TMC5: variants seen among roughly 807,000 people sequenced by gnomAD.
TMC5 encodes the protein transmembrane channel like 5, also known as transmembrane channel-like protein 5.
A neutral mutation model predicts 110.5 loss-of-function variants in TMC5; 86 were observed. That is an observed-to-expected ratio of 0.78 (90% CI 0.65 to 0.93). The LOEUF (loss-of-function observed/expected upper bound fraction) is 0.93. Ranked by LOEUF, TMC5 falls within the 40% of genes least tolerant of loss-of-function variation. The pLI is 0.00. For missense variants in TMC5, 1,144 were observed against 1,222.8 expected (o/e 0.94, Z 0.96); for synonymous variants, 455 against 439.5 (o/e 1.04, Z -0.44).
intron 2 of TMC5, among the ~76,000 whole-genome samples, chr16:19,438,997 G>A (rs1967420154): frequency 6.6e-6 from 1 of 152,196 alleles, no homozygotes. Context: ...AGGTTCAGGA[G>A]CAATGGATTG....
At chr16:19,434,468 ATAGATAG>A (rs1967295191) in intron 2 of TMC5, among the ~76,000 whole-genome samples, 1 of 58,068 alleles carries the variant, frequency 1.7e-5, no homozygotes, top group African/African-American at 1.1e-4. Flanking sequence ...ATATCTATAG[ATAGATAG>A]ATAGATAGAT....
intron 2 of TMC5, 103 bp from the exon 3 acceptor site, chr16:19,439,857 T>TA (rs1370603610): frequency 1.7e-6 from 1 of 595,186 alleles, no homozygotes; most frequent in African/African-American, 1.9e-5. Flanking sequence ...GTTGTGTACC[T>TA]GACTACGAAC....
chr16:19,412,746 T>C (rs1188417509), intron 1 of TMC5, among the ~76,000 whole-genome samples: 1 of 152,220 alleles, frequency 6.6e-6, no homozygotes, highest in Non-Finnish European at 1.5e-5. Flanking sequence ...CAATCAACAT[T>C]AGCTACAGTA....
Position 19,460,347 on chromosome 16 carries a change from G to A in TMC5, c.1148+13G>A, listed in dbSNP as rs902989431. 1.6e-5 allele frequency: 25 copies of A among 1,563,762 alleles called. No homozygotes were observed. Among genetic ancestry groups the A allele is most frequent in the Non-Finnish European group, 2.1e-5 (24 of 1,143,730 alleles). On this transcript the variant is annotated intron_variant, in intron 6 of 21. Coordinates refer to ENST00000542583, the MANE Select transcript of TMC5 (RefSeq NM_001261841.2). The stretch of plus-strand genomic sequence containing the variant: ...AAAGGAACCTTAGGTATGGACTAAA[G>A]GCTTTTCTTCTTTCTCAGATTTCAT...
At position 19,486,888 on chromosome 16, in the gene TMC5, C is replaced by A. The variant is rs908981158; in HGVS notation, c.2364-57C>A. ...CTCTTCCCCCCAACCATCCCAGATT[C>A]ACCCCGACTCCTTGTGTCTCCGCCA... On this transcript the variant is annotated intron_variant, in intron 15 of 21. Coordinates refer to ENST00000542583, the MANE Select transcript of TMC5 (RefSeq NM_001261841.2). The A allele has an allele frequency of 8.8e-6, 13 of 1,485,414 alleles. No homozygotes were observed. In the Admixed American group the frequency reaches 1.9e-4, roughly 21 times the overall value. The allele number at this position is 1,485,414 out of a possible 1,614,324, so 92.0% of individuals were successfully genotyped here.
At chr16:19,481,275 G>A in intron 14 of TMC5, 95 bp from the exon 15 acceptor site, 1 of 879,314 alleles carries the variant, frequency 1.1e-6, no homozygotes, top group Non-Finnish European at 1.9e-6. Context: ...ATTTCAAGCT[G>A]GGGAGGGTCT....
intron 14 of TMC5, among the ~76,000 whole-genome samples, chr16:19,480,266 T>C (rs747116306): frequency 8.5e-5 from 13 of 152,218 alleles, no homozygotes; most frequent in Non-Finnish European, 1.8e-4. Flanking sequence ...TATCTATCTA[T>C]ACAGAATTGA....
In TMC5 at chr16:19,491,681, A is replaced by G. The variant is rs575129555; in HGVS notation, c.2748-469A>G. On this transcript the variant is annotated intron_variant, in intron 18 of 21. Transcript: ENST00000542583. ...CTCCCGAGTAGTTGGGACTACAGGC[A>G]CCCACCACCACGCCCAGCTAATTTT... 4.9e-4 allele frequency among the ~76,000 whole-genome samples: 74 copies of G among 151,694 alleles called. 1 individual carries two copies. The South Asian group carries it at 0.01, about 21-fold the overall frequency.
chr16:19,427,853 A>G (rs1421010553), intron 1 of TMC5, among the ~76,000 whole-genome samples: 1 of 108,142 alleles, frequency 9.2e-6, no homozygotes, highest in African/African-American at 2.5e-5. Context: ...AGTTTCTGCC[A>G]CTCTCTTTCT....
chr16:19,469,578 G>A lies in TMC5; in HGVS notation c.1638-103G>A, dbSNP rs539265405. 54 of 1,423,568 alleles carry A rather than the reference G, an allele frequency of 3.8e-5. No individual in the cohort carries two copies. The African/African-American group carries it at 5.2e-4, about 14-fold the overall frequency. 88.2% of individuals were successfully genotyped at this position (1,423,568 alleles called of 1,614,324 possible). A position where few individuals can be genotyped will look rare whatever the true frequency, so the allele number is the denominator to read the frequency against. The stretch of plus-strand genomic sequence containing the variant: ...CAACAGCTTGGGGCTAAGTCTTCAC[G>A]TTGCCTTTCACCATTAATAATAGGG... On this transcript the variant is annotated intron_variant, in intron 9 of 21. Transcript: ENST00000542583.
At chr16:19,449,032 TG>T (rs59002859) in intron 4 of TMC5, among the ~76,000 whole-genome samples, 5,358 of 151,584 alleles carry the variant, frequency 0.035, 120 homozygotes, top group African/African-American at 0.055. Context: ...CTAATTTTTT[TG>T]TATTTTTTTA....
At chr16:19,482,224 A>C (rs1968636220) in intron 15 of TMC5, among the ~76,000 whole-genome samples, 1 of 151,880 alleles carries the variant, frequency 6.6e-6, no homozygotes, top group South Asian at 2.1e-4. Flanking sequence ...TGCCCAGCCA[A>C]TTTTTGTATT....
chr16:19,460,351 T>G lies in TMC5; in HGVS notation c.1148+17T>G. 6.5e-7 allele frequency: 1 copy of G among 1,543,028 alleles called. No homozygotes were observed. Among genetic ancestry groups the G allele is most frequent in the Non-Finnish European group, 8.9e-7 (1 of 1,125,778 alleles). ...GAACCTTAGGTATGGACTAAAGGCT[T>G]TTCTTCTTTCTCAGATTTCATGCGA... On this transcript the variant is annotated intron_variant, in intron 6 of 21. Coordinates refer to ENST00000542583, the MANE Select transcript of TMC5 (RefSeq NM_001261841.2).
At chr16:19,456,566 T>G in intron 5 of TMC5, 1 of 1,439,144 alleles carries the variant, frequency 6.9e-7, no homozygotes, top group Non-Finnish European at 9.1e-7. Flanking sequence ...TCCTGGCATT[T>G]TAAAAATAAT....
At chr16:19,432,313 T>C (rs1396322982) in intron 2 of TMC5, among the ~76,000 whole-genome samples, 2 of 152,108 alleles carry the variant, frequency 1.3e-5, no homozygotes, top group African/African-American at 4.8e-5. Flanking sequence ...TTGAAAACCA[T>C]TCAAATGGTG....
At chr16:19,454,976 A>T (rs887333098) in intron 5 of TMC5, among the ~76,000 whole-genome samples, 3 of 147,994 alleles carry the variant, frequency 2.0e-5, no homozygotes, top group Admixed American at 1.3e-4. Context: ...CTATGTCTTT[A>T]AAAAAAAACA....
At chr16:19,496,795 C>T (rs1048145329) in intron 20 of TMC5, among the ~76,000 whole-genome samples, 4 of 147,156 alleles carry the variant, frequency 2.7e-5, no homozygotes, top group South Asian at 2.1e-4. Flanking sequence ...GAGGCTGAGG[C>T]GGGAAAATCG....
In TMC5 at chr16:19,436,295, A is replaced by AAAAAAGAAAG. The variant is rs1491247478; in HGVS notation, c.-79-3665_-79-3664insAAAAAGAAAG. On this transcript the variant is annotated intron_variant, in intron 2 of 21. Coordinates refer to ENST00000542583, the MANE Select transcript of TMC5 (RefSeq NM_001261841.2). ...AAAGAAAAAAAAAAAGAAAGGAAAA[A>AAAAAAGAAAG]GAAAAAGAAAAACAGTTTCCGTGAA... Among the ~76,000 whole-genome samples, 199 of 150,710 alleles carry AAAAAAGAAAG rather than the reference A, an allele frequency of 1.3e-3. No homozygotes were observed. The Middle Eastern group carries it at 0.014, about 11-fold the overall frequency.
intron 9 of TMC5, among the ~76,000 whole-genome samples, chr16:19,467,414 C>A (rs1336166417): frequency 6.6e-6 from 1 of 151,970 alleles, no homozygotes; most frequent in Non-Finnish European, 1.5e-5. Context: ...TATAAAGATG[C>A]CATTTGTACT....
Sources: allele counts gnomAD v4.1 joint callset (sites outside exome capture counted in the v4.1 genomes callset), GRCh38; gene constraint gnomAD v4.1.1; transcripts MANE v1.5; gene names NCBI Gene and HGNC (gene_info 2026-07-23, HGNC 2026-07-21).